RFX7: variants seen among roughly 807,000 people sequenced by gnomAD.
RFX7 encodes the protein DNA-binding protein RFX7.
In RFX7, 26 loss-of-function variants were observed where a neutral mutation model predicts 111.8. The ratio of observed to expected loss-of-function variants is 0.23; its 90% CI spans 0.17 to 0.32. The LOEUF (loss-of-function observed/expected upper bound fraction) is 0.32, where lower values mean the gene tolerates loss of function less well. Ranked by LOEUF, RFX7 falls within the 10% of genes least tolerant of loss-of-function variation. The pLI, the probability that RFX7 is intolerant of heterozygous loss-of-function variation, is 1.00. For missense variants in RFX7, 1,573 were observed against 1,772.9 expected, an observed-to-expected ratio of 0.89 and a Z score of 2.02; for synonymous variants, 624 against 624.4, an observed-to-expected ratio of 1.00 and a Z score of 0.01.
Position 56,093,742 on chromosome 15 carries a change from G to C in RFX7, c.3986C>G (p.Ser1329Cys). 1 of 1,613,842 alleles carries C rather than the reference G, an allele frequency of 6.2e-7. No homozygotes were observed. Among genetic ancestry groups the C allele is most frequent in the Non-Finnish European group, 8.5e-7 (1 of 1,179,790 alleles). The change falls in exon 10 of 10, where the codon TCT becomes TGT. Residue 1329 changes from serine to cysteine, a missense_variant. Transcript: ENST00000559447. The part of the protein sequence containing the change: ...KSNSTGQINF[S>C]PGDNQAQSEI... ...TGATTGTGCTTGATTATCTCCAGGA[G>C]AAAAATTGATCTGACCGGTGCTATT...
intron 5 of RFX7, among the ~76,000 whole-genome samples, chr15:56,122,667 G>C (rs551617962): frequency 2.0e-5 from 3 of 152,286 alleles, no homozygotes; most frequent in South Asian, 2.1e-4. Context: ...TGCTATCCAG[G>C]AGCAGGATTT....
chr15:56,192,725 G>T, intron 2 of RFX7: 1 of 221,006 alleles, frequency 4.5e-6, no homozygotes, highest in South Asian at 8.0e-5. Context: ...TCTTTCGGGT[G>T]GTCACTGGTG....
intron 2 of RFX7, among the ~76,000 whole-genome samples, chr15:56,203,632 G>A (rs2043218061): frequency 1.3e-5 from 2 of 152,212 alleles, no homozygotes; most frequent in Admixed American, 1.3e-4. Context: ...ATAAAACAGT[G>A]TGCAGTAAAG....
chr15:56,111,783 C>G (rs1375928298), intron 5 of RFX7, among the ~76,000 whole-genome samples: 1 of 151,614 alleles, frequency 6.6e-6, no homozygotes, highest in Non-Finnish European at 1.5e-5. Context: ...ACAAGTGTAT[C>G]TAAAAGTTCT....
chr15:56,149,162 C>A (rs11631518), intron 3 of RFX7, among the ~76,000 whole-genome samples: 19,693 of 151,712 alleles, frequency 0.13, 1,656 homozygotes, highest in East Asian at 0.43. Context: ...ATGTGTTGCA[C>A]TGGTGAAGCT....
At chr15:56,103,506 C>A (rs781748114) in intron 6 of RFX7, 48 bp downstream of exon 6, 1 of 1,182,278 alleles carries the variant, frequency 8.5e-7, no homozygotes, top group East Asian at 2.5e-5. Flanking sequence ...TGTTCTATAA[C>A]AAGTGAGAAC....
At position 56,096,076 on chromosome 15, in the gene RFX7, T is replaced by C. The variant is rs1440555843; in HGVS notation, c.1652A>G (p.Gln551Arg). 3.7e-6 allele frequency: 6 copies of C among 1,613,530 alleles called. No homozygotes were observed. In the African/African-American group the frequency reaches 5.3e-5, roughly 14 times the overall value. Residue 551 changes from glutamine (Q) to arginine (R), a missense_variant, in exon 10 of 10, where the codon CAG becomes CGG. Coordinates refer to ENST00000559447, the MANE Select transcript of RFX7 (RefSeq NM_022841.7). ...PETSSDEHPV[Q>R]CQENSDEAKA... ...AGCCTCATCAGAGTTCTCTTGGCACTGTACAGGATGCTCATCTGATGATGT... is the reference window on the plus strand; with the variant it reads ...AGCCTCATCAGAGTTCTCTTGGCACCGTACAGGATGCTCATCTGATGATGT...
In RFX7 at chr15:56,094,370, G is replaced by A. The variant is rs767386469; in HGVS notation, c.3358C>T (p.Arg1120Cys). ...QSRHHDTHFG[R>C]LTPVSPVQHQ... ...TGCACAGGAGAGACAGGAGTCAAAC[G>A]ACCAAAATGAGTGTCATGATGTCTG... Residue 1120 changes from arginine (R) to cysteine (C), a missense_variant, in exon 10 of 10, where the codon CGT (arginine) becomes TGT (cysteine). Physicochemically the swap from Arg to Cys is radical, Grantham distance 180 (BLOSUM62 -3). Around this residue, in one of 7 missense-constraint regions of RFX7, gnomAD observed 411 missense variants for 478.1 expected, o/e 0.86. Transcript: ENST00000559447. 4.3e-6 allele frequency: 7 copies of A among 1,613,756 alleles called. No individual in the cohort carries two copies. The highest frequency in any genetic ancestry group is 2.2e-5 in the East Asian group (1 of 44,890).
chr15:56,156,868 T>C (rs1248733758), intron 3 of RFX7, among the ~76,000 whole-genome samples: 1 of 152,222 alleles, frequency 6.6e-6, no homozygotes, highest in Non-Finnish European at 1.5e-5. Context: ...AAAATTTTAA[T>C]ATGCACCAGA....
chr15:56,177,988 T>C (rs1166867295), intron 3 of RFX7, among the ~76,000 whole-genome samples: 1 of 152,114 alleles, frequency 6.6e-6, no homozygotes, highest in African/African-American at 2.4e-5. Context: ...AATATGTCTT[T>C]TCTGTTTTGT....
intron 2 of RFX7, among the ~76,000 whole-genome samples, chr15:56,226,950 C>G (rs1004099903): frequency 6.6e-6 from 1 of 152,074 alleles, no homozygotes; most frequent in Non-Finnish European, 1.5e-5. Context: ...GGAGGTTCCT[C>G]AAATCTATTT....
In RFX7 at chr15:56,093,210, A is replaced by C; in HGVS notation, c.*135T>G. 1.3e-6 allele frequency: 1 copy of C among 783,058 alleles called. No homozygotes were observed. 48.5% of individuals were successfully genotyped at this position (783,058 alleles called of 1,614,324 possible). On this transcript the variant is annotated 3_prime_UTR_variant, in exon 10 of 10. Transcript: ENST00000559447. Reference sequence around the variant, plus strand: ...AGGCAAGTCTAACCATTTCCTACTGAAGAAACCACTTCTGCAGCAAACGCT... The same window carrying C: ...AGGCAAGTCTAACCATTTCCTACTGCAGAAACCACTTCTGCAGCAAACGCT...
chr15:56,145,620 A>G (rs2042457798), intron 3 of RFX7, among the ~76,000 whole-genome samples: 1 of 152,112 alleles, frequency 6.6e-6, no homozygotes. Context: ...AAACAAACAC[A>G]CATTCTCTTC....
intron 2 of RFX7, among the ~76,000 whole-genome samples, chr15:56,239,318 G>C (rs937626544): frequency 7.3e-5 from 11 of 151,666 alleles, no homozygotes; most frequent in Non-Finnish European, 1.2e-4. Context: ...GCCCAGACTG[G>C]AGTGCAATGG....
intron 2 of RFX7, 69 bp downstream of exon 2, chr15:56,243,047 CCGCCCGCCG>C: frequency 1.6e-6 from 1 of 630,590 alleles, no homozygotes; most frequent in Non-Finnish European, 2.6e-6. Context: ...TCCGCTCCCC[CCGCCCGCCG>C]CCCCCCACCC....
At chr15:56,112,072 G>A (rs966146827) in intron 5 of RFX7, among the ~76,000 whole-genome samples, 2 of 149,474 alleles carry the variant, frequency 1.3e-5, no homozygotes, top group Non-Finnish European at 3.0e-5. Flanking sequence ...CTGAGATTTC[G>A]CCACTGCACT....
chr15:56,116,701 T>G (rs1298536484), intron 5 of RFX7, among the ~76,000 whole-genome samples: 3 of 152,104 alleles, frequency 2.0e-5, no homozygotes, highest in Non-Finnish European at 4.4e-5. Context: ...AAATGCAAGT[T>G]AAAACTACAA....
intron 2 of RFX7, among the ~76,000 whole-genome samples, chr15:56,189,361 C>A (rs758120336): frequency 6.6e-6 from 1 of 151,782 alleles, no homozygotes; most frequent in African/African-American, 2.4e-5. Context: ...CCCAGGACAA[C>A]AGAACAAGAC....
At chr15:56,158,004 G>A (rs1384384227) in intron 3 of RFX7, among the ~76,000 whole-genome samples, 2 of 152,158 alleles carry the variant, frequency 1.3e-5, no homozygotes, top group Non-Finnish European at 2.9e-5. Flanking sequence ...AGTAATAAAA[G>A]TAGCTTTGAT....
Sources: allele counts gnomAD v4.1 joint callset (sites outside exome capture counted in the v4.1 genomes callset), GRCh38; gene constraint gnomAD v4.1.1; regional missense constraint gnomAD v4.1.1; transcripts MANE v1.5; gene names NCBI Gene and HGNC (gene_info 2026-07-23, HGNC 2026-07-21).